FHIT: variants seen among roughly 807,000 people sequenced by gnomAD.
The protein encoded by FHIT is fragile histidine triad diadenosine triphosphatase, also known as bis(5'-adenosyl)-triphosphatase.
FHIT carries 19 observed loss-of-function variants against 17.9 expected under a neutral mutation model. That is an observed-to-expected ratio of 1.06 (90% CI 0.74 to 1.56). The LOEUF (loss-of-function observed/expected upper bound fraction) is 1.56, where lower values mean the gene tolerates loss of function less well. Among genes scored for constraint, FHIT ranks in the 40% most tolerant of loss-of-function variants. FHIT has a pLI of 0.00. For missense variants in FHIT, 248 were observed against 189.2 expected (o/e 1.31, Z -1.82); for synonymous variants, 81 against 69.7 (o/e 1.16, Z -0.81).
intron 5 of FHIT, among the ~76,000 whole-genome samples, chr3:60,488,306 T>C (rs2033926189): frequency 6.6e-6 from 1 of 152,196 alleles, no homozygotes; most frequent in Non-Finnish European, 1.5e-5. Context: ...ATAGCATTAT[T>C]GTAGGCCTGG....
At chr3:59,882,877 G>A (rs914549513) in intron 8 of FHIT, among the ~76,000 whole-genome samples, 5 of 152,178 alleles carry the variant, frequency 3.3e-5, no homozygotes, top group Non-Finnish European at 5.9e-5. Context: ...AGTTTCTTAA[G>A]CTGATAAAAG....
At chr3:61,015,621 T>A (rs1434113965) in intron 3 of FHIT, among the ~76,000 whole-genome samples, 1 of 152,176 alleles carries the variant, frequency 6.6e-6, no homozygotes, top group African/African-American at 2.4e-5. Flanking sequence ...ATTAGCAATT[T>A]TATGCATTCA....
At chr3:59,757,499 G>A (rs1701280215) in intron 8 of FHIT, among the ~76,000 whole-genome samples, 1 of 152,126 alleles carries the variant, frequency 6.6e-6, no homozygotes. Context: ...TGAATTCCCT[G>A]CTGTATTGCT....
chr3:60,539,873 T>A (rs544930852), intron 4 of FHIT, among the ~76,000 whole-genome samples: 1 of 151,866 alleles, frequency 6.6e-6, no homozygotes, highest in South Asian at 2.1e-4. Context: ...CACACCAACA[T>A]GGTACATGTA....
At position 61,202,870 on chromosome 3, in the gene FHIT, G is replaced by C. The variant is rs559094756; in HGVS notation, c.-212-2205C>G. 1.6e-4 allele frequency among the ~76,000 whole-genome samples: 24 copies of C among 152,168 alleles called. No individual in the cohort carries two copies. The South Asian group carries it at 4.8e-3, about 30-fold the overall frequency. Reference sequence around the variant, plus strand: ...AGTTTGAGACCAGCCTGGCCAACGTGGTGAAACCTTGTCTCTACTAAAAAT... The same window carrying C: ...AGTTTGAGACCAGCCTGGCCAACGTCGTGAAACCTTGTCTCTACTAAAAAT... On this transcript the variant is annotated intron_variant, in intron 1 of 9. Coordinates refer to ENST00000492590, the MANE Select transcript of FHIT (RefSeq NM_002012.4).
intron 8 of FHIT, among the ~76,000 whole-genome samples, chr3:59,859,905 T>C (rs779512383): frequency 6.6e-6 from 1 of 152,180 alleles, no homozygotes. Context: ...TCAGTGTTGA[T>C]TCCTGATTGG....
At chr3:60,329,498 T>C (rs1056517724) in intron 5 of FHIT, among the ~76,000 whole-genome samples, 2 of 152,256 alleles carry the variant, frequency 1.3e-5, no homozygotes, top group South Asian at 2.1e-4. Flanking sequence ...TCTTAACCTG[T>C]AGTCATGAAC....
intron 2 of FHIT, chr3:61,166,894 A>C (rs1441236195): frequency 6.6e-6 from 1 of 152,210 alleles, no homozygotes; most frequent in African/African-American, 2.4e-5. Flanking sequence ...AAAATCAACA[A>C]ATAAAAGAAA....
At chr3:60,734,588 C>T (rs939666560) in intron 4 of FHIT, among the ~76,000 whole-genome samples, 2 of 152,228 alleles carry the variant, frequency 1.3e-5, no homozygotes, top group Non-Finnish European at 2.9e-5. Context: ...AGGTCTCAAA[C>T]TTCTGAGCTC....
chr3:59,946,012 C>T (rs1161495373), intron 7 of FHIT, among the ~76,000 whole-genome samples: 1 of 152,144 alleles, frequency 6.6e-6, no homozygotes, highest in Non-Finnish European at 1.5e-5. Flanking sequence ...TATTCTGGCT[C>T]TTTTTAGATT....
At chr3:60,618,900 G>A (rs2039032552) in intron 4 of FHIT, among the ~76,000 whole-genome samples, 3 of 152,054 alleles carry the variant, frequency 2.0e-5, no homozygotes, top group Non-Finnish European at 4.4e-5. Context: ...AAGAATGCAG[G>A]GGGCCACAAA....
chr3:59,950,300 T>C (rs902132886), intron 7 of FHIT, among the ~76,000 whole-genome samples: 2 of 152,170 alleles, frequency 1.3e-5, no homozygotes, highest in Admixed American at 6.5e-5. Context: ...TTAAACAGGT[T>C]CTCCATGACC....
At chr3:60,330,961 G>C (rs925815998) in intron 5 of FHIT, among the ~76,000 whole-genome samples, 1 of 152,170 alleles carries the variant, frequency 6.6e-6, no homozygotes, top group East Asian at 1.9e-4. Flanking sequence ...AAGGCAGCCA[G>C]ACCTCCATTT....
rs146667144 is a variant in FHIT at position 60,418,451 on chromosome 3, G to A, written c.103+118409C>T. ...ACGTGTATACACACACACCACAGACGATTAGACAGCCCTTACCAAGGTATT... is the reference window on the plus strand; with the variant it reads ...ACGTGTATACACACACACCACAGACAATTAGACAGCCCTTACCAAGGTATT... On this transcript the variant is annotated intron_variant, in intron 5 of 9. Coordinates refer to ENST00000492590, the MANE Select transcript of FHIT (RefSeq NM_002012.4). Among the ~76,000 whole-genome samples the A allele has an allele frequency of 7.6e-4, 90 of 118,580 alleles. 2 individuals carry two copies. In the East Asian group the frequency reaches 0.016, roughly 22 times the overall value. 77.8% of individuals were successfully genotyped at this position (118,580 alleles called of 152,430 possible).
chr3:60,269,938 G>C (rs1228028515), intron 5 of FHIT, among the ~76,000 whole-genome samples: 1 of 152,162 alleles, frequency 6.6e-6, no homozygotes, highest in East Asian at 1.9e-4. Flanking sequence ...CTCATGGGTT[G>C]GTTAGAAGAT....
intron 4 of FHIT, among the ~76,000 whole-genome samples, chr3:60,677,608 A>G (rs1357052479): frequency 6.9e-6 from 1 of 144,888 alleles, no homozygotes; most frequent in African/African-American, 2.5e-5. Context: ...GTGTGTGTAT[A>G]TATGTGTATA....
At chr3:61,185,874 A>T (rs1027273665) in intron 2 of FHIT, among the ~76,000 whole-genome samples, 3 of 152,214 alleles carry the variant, frequency 2.0e-5, no homozygotes, top group African/African-American at 7.2e-5. Flanking sequence ...TTACTTTTAT[A>T]ATAGTAATAA....
At chr3:61,201,400 A>G (rs911828219) in intron 1 of FHIT, among the ~76,000 whole-genome samples, 4 of 152,186 alleles carry the variant, frequency 2.6e-5, no homozygotes, top group Non-Finnish European at 4.4e-5. Flanking sequence ...TAATCATCCA[A>G]TCTTACTCAT....
intron 8 of FHIT, among the ~76,000 whole-genome samples, chr3:59,763,650 A>C (rs1327232337): frequency 6.6e-6 from 1 of 152,222 alleles, no homozygotes; most frequent in Non-Finnish European, 1.5e-5. Context: ...GTAATCATCT[A>C]TCACTGCCTT....
Sources: gnomAD v4.1 joint callset for allele counts (sites outside exome capture counted in the v4.1 genomes callset) on GRCh38, gnomAD v4.1.1 for gene constraint, MANE v1.5 for transcripts, NCBI Gene and HGNC (gene_info 2026-07-23, HGNC 2026-07-21) for gene names.